PTPN3: variants seen among roughly 807,000 people sequenced by gnomAD.
PTPN3 encodes the protein protein tyrosine phosphatase non-receptor type 3, also known as tyrosine-protein phosphatase non-receptor type 3.
In PTPN3, 96 loss-of-function variants were observed where a neutral mutation model predicts 132.7. That is an observed-to-expected ratio of 0.72 (90% CI 0.61 to 0.86). The LOEUF (loss-of-function observed/expected upper bound fraction) is 0.86. PTPN3 is among the 40% of genes least tolerant of loss of function. The probability of loss-of-function intolerance (pLI) is 0.00; values close to 1 mark genes in which losing one functional copy is unlikely to be tolerated. For missense variants in PTPN3, 1,125 were observed against 1,159.6 expected (o/e 0.97, Z 0.43); for synonymous variants, 398 against 429.0 (o/e 0.93, Z 0.89).
In PTPN3 at chr9:109,389,710, G is replaced by T. The variant is rs796541210; in HGVS notation, c.2107-331C>A. The stretch of plus-strand genomic sequence containing the variant: ...ATATTGGCTATCTGCATTTTCAGCC[G>T]TATGTACCAATCCTACCCCTAAGTC... On this transcript the variant is annotated intron_variant, in intron 21 of 25. Coordinates refer to ENST00000374541, the MANE Select transcript of PTPN3 (RefSeq NM_002829.4). Among the ~76,000 whole-genome samples, 36 of 152,268 alleles carry T rather than the reference G, an allele frequency of 2.4e-4. 1 individual carries two copies. The highest frequency in any genetic ancestry group is 8.4e-4 in the African/African-American group (35 of 41,558).
Position 109,433,008 on chromosome 9 carries a change from A to T in PTPN3, c.764+65T>A, listed in dbSNP as rs1002037579. ...ATAAACATTTAGAATGGGAGGTAAC[A>T]TTACTTTTGTTAGGCATATTTTTAA... On this transcript the variant is annotated intron_variant, in intron 10 of 25. Transcript: ENST00000374541. 2.5e-6 allele frequency: 4 copies of T among 1,590,606 alleles called. No individual in the cohort carries two copies. The East Asian group carries it at 9.1e-5, about 36-fold the overall frequency.
intron 16 of PTPN3, among the ~76,000 whole-genome samples, chr9:109,408,704 G>C (rs117379136): frequency 6.6e-6 from 1 of 150,646 alleles, no homozygotes; most frequent in Non-Finnish European, 1.5e-5. Context: ...CCCAGAGAGG[G>C]ACTCCACAGC....
intron 19 of PTPN3, 82 bp downstream of exon 19, chr9:109,404,366 G>A: frequency 9.6e-7 from 1 of 1,044,848 alleles, no homozygotes; most frequent in Non-Finnish European, 1.3e-6. Flanking sequence ...TTGTGTCTCT[G>A]CCTCATTTCC....
At chr9:109,457,437 A>C (rs756902307) in intron 2 of PTPN3, 38 bp from the exon 3 acceptor site, 3 of 1,537,896 alleles carry the variant, frequency 2.0e-6, no homozygotes, top group South Asian at 2.3e-5. Context: ...AAAAGTCTTA[A>C]ATTAATTGGT....
chr9:109,522,616 T>G, the PTPN3 span, among the ~76,000 whole-genome samples: 1 of 152,218 alleles, frequency 6.6e-6, no homozygotes, highest in Admixed American at 6.5e-5. Context: ...CTAGTGGCAT[T>G]GTAAACTGCA....
At chr9:109,529,527 T>A in the PTPN3 span, among the ~76,000 whole-genome samples, 1 of 152,238 alleles carries the variant, frequency 6.6e-6, no homozygotes, top group Non-Finnish European at 1.5e-5. Flanking sequence ...CCTTTATTCC[T>A]GTTTCTCCTT....
intron 14 of PTPN3, among the ~76,000 whole-genome samples, chr9:109,415,959 C>T (rs1388546847): frequency 6.6e-6 from 1 of 152,138 alleles, no homozygotes; most frequent in Non-Finnish European, 1.5e-5. Context: ...GGAAAAGGGA[C>T]ACAAACACTC....
intron 1 of PTPN3, among the ~76,000 whole-genome samples, chr9:109,497,107 T>C (rs1847703800): frequency 6.6e-6 from 1 of 152,174 alleles, no homozygotes; most frequent in South Asian, 2.1e-4. Context: ...CTGATTACAA[T>C]TCGGCTAAAT....
chr9:109,402,229 G>A (rs1037055688), intron 19 of PTPN3, among the ~76,000 whole-genome samples: 5 of 152,094 alleles, frequency 3.3e-5, no homozygotes, highest in African/African-American at 1.2e-4. Context: ...GAGTTTTACT[G>A]CTCAAAATGT....
intron 19 of PTPN3, among the ~76,000 whole-genome samples, chr9:109,395,768 C>T (rs1398466384): frequency 1.3e-5 from 2 of 151,542 alleles, no homozygotes; most frequent in South Asian, 4.2e-4. Context: ...TCCTGGGAGA[C>T]AGAGGAAGAC....
chr9:109,394,594 C>T (rs920007207), intron 19 of PTPN3, among the ~76,000 whole-genome samples: 1 of 151,992 alleles, frequency 6.6e-6, no homozygotes, highest in Non-Finnish European at 1.5e-5. Context: ...AGGCATGTGC[C>T]ACCACATCCG....
chr9:109,484,824 C>T (rs1331208333), intron 1 of PTPN3, among the ~76,000 whole-genome samples: 2 of 152,214 alleles, frequency 1.3e-5, no homozygotes, highest in African/African-American at 4.8e-5. Flanking sequence ...CTCATCCTCA[C>T]GCAGTCCTCA....
intron 19 of PTPN3, among the ~76,000 whole-genome samples, chr9:109,398,206 G>A (rs1840758242): frequency 1.3e-5 from 2 of 152,088 alleles, no homozygotes; most frequent in Admixed American, 6.5e-5. Context: ...TCACTTGAAC[G>A]TGGGAGGCAG....
At chr9:109,471,458 C>T (rs1283489448) in intron 1 of PTPN3, among the ~76,000 whole-genome samples, 1 of 152,106 alleles carries the variant, frequency 6.6e-6, no homozygotes, top group Non-Finnish European at 1.5e-5. Context: ...CCCTTTATCT[C>T]GAAATATTTT....
intron 4 of PTPN3, among the ~76,000 whole-genome samples, chr9:109,455,990 C>G (rs1845540121): frequency 6.6e-6 from 1 of 152,074 alleles, no homozygotes; most frequent in Non-Finnish European, 1.5e-5. Flanking sequence ...AGGTATTTGT[C>G]TGCAAGTGGC....
chr9:109,496,760 C>T (rs949709706), intron 1 of PTPN3, among the ~76,000 whole-genome samples: 1 of 152,152 alleles, frequency 6.6e-6, no homozygotes, highest in Non-Finnish European at 1.5e-5. Context: ...ATACTGGAGG[C>T]ATTTTTGATT....
rs1448306112 is a variant in PTPN3, at chr9:109,410,273, T to C, written c.1456A>G (p.Lys486Glu). The C allele has an allele frequency of 6.2e-7, 1 of 1,613,998 alleles. No homozygotes were observed. The highest frequency in any genetic ancestry group is 1.7e-5 in the Admixed American group (1 of 59,996). Residue 486 changes from lysine to glutamate, a missense_variant, in exon 15 of 26, where the codon AAA becomes GAA. Lys to Glu is a moderately conservative substitution (Grantham distance 56). Coordinates refer to ENST00000374541, the MANE Select transcript of PTPN3 (RefSeq NM_002829.4). ...CTGGCGTCCTCGGTGGAGCCCCCTT[T>C]GGTCACCCTGTGGAAGTCATCTAAG... ...QLLDDFHRVT[K>E]GGSTEDASQY... is the part of the protein sequence containing the mutation.
At chr9:109,460,808 G>A (rs568062188) in intron 2 of PTPN3, among the ~76,000 whole-genome samples, 1 of 152,250 alleles carries the variant, frequency 6.6e-6, no homozygotes, top group South Asian at 2.1e-4. Flanking sequence ...CTCCCCTGCT[G>A]GGATGTTAGC....
At position 109,427,139 on chromosome 9, in the gene PTPN3, T is replaced by C; in HGVS notation, c.829-17A>G. ...GGATTCAGCCTGGGAGGAAAAACAG[T>C]CAAGATTTCACCCACACAGACATAG... On this transcript the variant is annotated splice_polypyrimidine_tract_variant and intron_variant, in intron 11 of 25. Coordinates refer to ENST00000374541, the MANE Select transcript of PTPN3 (RefSeq NM_002829.4). 6.2e-7 allele frequency: 1 copy of C among 1,612,778 alleles called. No homozygotes were observed. The highest frequency in any genetic ancestry group is 8.5e-7 in the Non-Finnish European group (1 of 1,179,258).
Sources: gnomAD v4.1 joint callset for allele counts (sites outside exome capture counted in the v4.1 genomes callset) on GRCh38, gnomAD v4.1.1 for gene constraint, MANE v1.5 for transcripts, NCBI Gene and HGNC (gene_info 2026-07-23, HGNC 2026-07-21) for gene names.